The following NRCAM variants were observed in gnomAD, a reference collection of about 807,000 sequenced individuals.
NRCAM encodes NgCAM-related cell adhesion molecule.
Under a neutral mutation model 156.5 loss-of-function variants are expected in NRCAM, and 83 were observed. The ratio of observed to expected loss-of-function variants is 0.53; its 90% CI spans 0.44 to 0.64. NRCAM has a LOEUF of 0.64. Among genes scored for constraint, NRCAM ranks in the 30% least tolerant of loss-of-function variants. The pLI, the probability that NRCAM is intolerant of heterozygous loss-of-function variation, is 0.00. For missense variants in NRCAM, 1,417 were observed against 1,597.3 expected (o/e 0.89, Z 1.92); for synonymous variants, 538 against 563.9 (o/e 0.95, Z 0.65).
chr7:108,304,370 T>G (rs1177411718), intron 3 of NRCAM, among the ~76,000 whole-genome samples: 1 of 147,104 alleles, frequency 6.8e-6, no homozygotes, highest in African/African-American at 2.5e-5. Context: ...CATTTAACCA[T>G]CAATAATGCT....
At chr7:108,377,597 A>G (rs764452113) in intron 2 of NRCAM, among the ~76,000 whole-genome samples, 9 of 152,296 alleles carry the variant, frequency 5.9e-5, no homozygotes, top group Non-Finnish European at 1.3e-4. Context: ...TAGGCTGGAA[A>G]AGACCTTGGA....
intron 3 of NRCAM, among the ~76,000 whole-genome samples, chr7:108,259,919 A>G (rs1185919521): frequency 6.6e-6 from 1 of 152,210 alleles, no homozygotes; most frequent in Non-Finnish European, 1.5e-5. Context: ...TGGGTTGATA[A>G]GTGCAGCAAA....
chr7:108,430,060 G>C (rs934763484), intron 1 of NRCAM, among the ~76,000 whole-genome samples: 4 of 152,188 alleles, frequency 2.6e-5, no homozygotes, highest in Non-Finnish European at 4.4e-5. Context: ...GGTCGAGGCT[G>C]GGCACAGGGG....
intron 3 of NRCAM, among the ~76,000 whole-genome samples, chr7:108,270,409 T>C (rs1198069143): frequency 6.6e-6 from 1 of 152,180 alleles, no homozygotes; most frequent in Non-Finnish European, 1.5e-5. Flanking sequence ...AATTCACAGA[T>C]AGGGAGAGGG....
intron 2 of NRCAM, among the ~76,000 whole-genome samples, chr7:108,346,194 G>A (rs2099352989): frequency 1.3e-5 from 2 of 152,142 alleles, no homozygotes; most frequent in South Asian, 2.1e-4. Flanking sequence ...GGAGGAGTGG[G>A]AGGAATTTTG....
chr7:108,382,840 A>T (rs188552134), intron 2 of NRCAM, among the ~76,000 whole-genome samples: 1 of 152,250 alleles, frequency 6.6e-6, no homozygotes, highest in Admixed American at 6.5e-5. Flanking sequence ...CCCACTATCA[A>T]TTTCTAGGAA....
At chr7:108,242,441 C>T (rs55737540) in intron 3 of NRCAM, among the ~76,000 whole-genome samples, 4,412 of 152,214 alleles carry the variant, frequency 0.029, 201 homozygotes, top group African/African-American at 0.1. Flanking sequence ...TAGAAGCTCA[C>T]TCAACCATTT....
intron 1 of NRCAM, among the ~76,000 whole-genome samples, chr7:108,430,806 G>T (rs1303644340): frequency 2.6e-5 from 4 of 152,002 alleles, no homozygotes; most frequent in African/African-American, 9.7e-5. Context: ...CTTCCTCTGT[G>T]GTGATTTTAA....
At chr7:108,367,037 C>T (rs190863800) in intron 2 of NRCAM, among the ~76,000 whole-genome samples, 21 of 152,244 alleles carry the variant, frequency 1.4e-4, no homozygotes, top group Admixed American at 8.5e-4. Context: ...TACCTAACAC[C>T]AAATGTTAAA....
chr7:108,249,786 C>T (rs1227224642), intron 3 of NRCAM, among the ~76,000 whole-genome samples: 1 of 152,244 alleles, frequency 6.6e-6, no homozygotes, highest in Non-Finnish European at 1.5e-5. Context: ...CTGTCTATGA[C>T]TTCTCAGGAA....
At chr7:108,386,743 C>T (rs574288135) in intron 2 of NRCAM, among the ~76,000 whole-genome samples, 2 of 152,200 alleles carry the variant, frequency 1.3e-5, no homozygotes, top group Non-Finnish European at 2.9e-5. Context: ...CACAAAGATA[C>T]TATGAGAAAG....
At chr7:108,390,292 G>T (rs1355620375) in intron 2 of NRCAM, among the ~76,000 whole-genome samples, 1 of 152,144 alleles carries the variant, frequency 6.6e-6, no homozygotes, top group Admixed American at 6.6e-5. Context: ...GAGGGTACAT[G>T]TGTCGGGGAA....
Position 108,338,589 on chromosome 7 carries a change from A to T in NRCAM, c.-173-25858T>A, listed in dbSNP as rs531474325. 7.8e-4 allele frequency among the ~76,000 whole-genome samples: 118 copies of T among 151,140 alleles called. No individual in the cohort carries two copies. In the South Asian group the frequency reaches 0.025, roughly 32 times the overall value. ...GACAGAGTGAGACACAGAGAGAGGGAGAGACAGAGAGAGAGACAGAGAGGA... is the reference window on the plus strand; with the variant it reads ...GACAGAGTGAGACACAGAGAGAGGGTGAGACAGAGAGAGAGACAGAGAGGA... On this transcript the variant is annotated intron_variant, in intron 2 of 32. Transcript: ENST00000379028.
chr7:108,289,380 C>T (rs1020454050), intron 3 of NRCAM, among the ~76,000 whole-genome samples: 7 of 152,068 alleles, frequency 4.6e-5, no homozygotes, highest in South Asian at 2.1e-4. Flanking sequence ...TAGCTGTCAT[C>T]GTGTGGTGAA....
At chr7:108,233,323 C>A (rs2094539012) in intron 6 of NRCAM, among the ~76,000 whole-genome samples, 1 of 152,150 alleles carries the variant, frequency 6.6e-6, no homozygotes, top group African/African-American at 2.4e-5. Flanking sequence ...ATTTCCCTTC[C>A]CACTGCTTAT....
chr7:108,235,630 T>G (rs148820927), intron 5 of NRCAM, among the ~76,000 whole-genome samples: 105 of 152,306 alleles, frequency 6.9e-4, no homozygotes, highest in African/African-American at 2.5e-3. Context: ...GAGAGCTGTT[T>G]ACACAGACCA....
In NRCAM at chr7:108,208,816, G is replaced by A. The variant is rs1490194113; in HGVS notation, c.1075+605C>T. Among the ~76,000 whole-genome samples the A allele has an allele frequency of 3.5e-4, 53 of 152,024 alleles. 1 individual carries two copies. Among genetic ancestry groups the A allele is most frequent in the Admixed American group, 3.5e-3 (53 of 15,260 alleles). On this transcript the variant is annotated intron_variant, in intron 12 of 32. Transcript: ENST00000379028. ...GAACCCTTCTACTTGTACCATATGG[G>A]GGAATATATGATATCAAACATGACT...
intron 11 of NRCAM, among the ~76,000 whole-genome samples, chr7:108,214,099 T>C (rs2086359344): frequency 6.6e-6 from 1 of 152,246 alleles, no homozygotes; most frequent in Non-Finnish European, 1.5e-5. Context: ...ATCAGGATGA[T>C]GCTGGCCTCA....
At position 108,208,979 on chromosome 7, in the gene NRCAM, G is replaced by C. The variant is rs2082612875; in HGVS notation, c.1075+442C>G. ...ATACACTCAAGAAGAGGGAAAGTAA[G>C]CTCCATCTTCTAAAGAAAGGAGTAA... On this transcript the variant is annotated intron_variant, in intron 12 of 32. Transcript: ENST00000379028. Among the ~76,000 whole-genome samples, 2 of 152,190 alleles carry C rather than the reference G, an allele frequency of 1.3e-5. 1 individual carries two copies. Among genetic ancestry groups the C allele is most frequent in the Admixed American group, 1.3e-4 (2 of 15,280 alleles).
Sources: gnomAD v4.1 joint callset for allele counts (sites outside exome capture counted in the v4.1 genomes callset) on GRCh38, gnomAD v4.1.1 for gene constraint, MANE v1.5 for transcripts, NCBI Gene and HGNC (gene_info 2026-07-23, HGNC 2026-07-21) for gene names.